KLF8: variants seen among roughly 807,000 people sequenced by gnomAD.
KLF8 encodes the protein Krueppel-like factor 8.
In KLF8, 10 loss-of-function variants were observed where a neutral mutation model predicts 18.2. The ratio of observed to expected loss-of-function variants is 0.55; its 90% confidence interval spans 0.34 to 0.93. The LOEUF (loss-of-function observed/expected upper bound fraction) is 0.93, where lower values mean the gene tolerates loss of function less well. Among genes scored for constraint, KLF8 ranks in the 40% least tolerant of loss-of-function variants. The probability of loss-of-function intolerance (pLI) is 0.02; values close to 1 mark genes in which losing one functional copy is unlikely to be tolerated. For missense variants in KLF8, 264 were observed against 277.9 expected (o/e 0.95, Z 0.36); for synonymous variants, 109 against 97.3 (o/e 1.12, Z -0.71).
chrX:56,187,801 T>C, the KLF8 span, among the ~76,000 whole-genome samples: 1 of 109,953 alleles, frequency 9.1e-6, no homozygotes, highest in African/African-American at 3.4e-5. Context: ...GATGCAGAAA[T>C]GGCCTTTGAC....
the KLF8 span, among the ~76,000 whole-genome samples, chrX:55,933,141 TC>T: frequency 3.6e-5 from 4 of 112,154 alleles, no homozygotes; most frequent in African/African-American, 1.3e-4. Flanking sequence ...TCTTATGTTT[TC>T]TTCAAAATAT....
At chrX:56,281,008 C>CAGACTAACTTTT (rs1312219561) in intron 5 of KLF8, among the ~76,000 whole-genome samples, 1 of 111,846 alleles carries the variant, frequency 8.9e-6, no homozygotes, top group Non-Finnish European at 1.9e-5. Context: ...TTGAGTTAAA[C>CAGACTAACTTTT]AGACTAACTT....
chrX:56,102,336 C>T, the KLF8 span, among the ~76,000 whole-genome samples: 3 of 111,328 alleles, frequency 2.7e-5, no homozygotes, highest in Admixed American at 9.6e-5. Flanking sequence ...CAGTACCATG[C>T]TATTTTGGTT....
chrX:56,034,209 G>T, the KLF8 span, among the ~76,000 whole-genome samples: 6 of 111,906 alleles, frequency 5.4e-5, no homozygotes, highest in Non-Finnish European at 9.4e-5. Context: ...TGAAATAAAG[G>T]TCCAATTTCA....
At chrX:56,137,036 A>C in the KLF8 span, among the ~76,000 whole-genome samples, 2 of 111,646 alleles carry the variant, frequency 1.8e-5, no homozygotes, top group Non-Finnish European at 3.8e-5. Context: ...AGAGAAATGC[A>C]AATCAAAACC....
chrX:56,238,320 ACAAAAT>A (rs1194202113), intron 1 of KLF8, among the ~76,000 whole-genome samples: 1 of 111,215 alleles, frequency 9.0e-6, no homozygotes, highest in Non-Finnish European at 1.9e-5. Context: ...TATTAAAAAT[ACAAAAT>A]TAGCCGGGTG....
At chrX:56,009,551 C>A in the KLF8 span, among the ~76,000 whole-genome samples, 1 of 112,062 alleles carries the variant, frequency 8.9e-6, no homozygotes, top group African/African-American at 3.2e-5. Flanking sequence ...AGTGACTTTT[C>A]TCCTCCAAAT....
chrX:56,169,210 A>G, the KLF8 span, among the ~76,000 whole-genome samples: 8 of 111,664 alleles, frequency 7.2e-5, no homozygotes, highest in African/African-American at 2.0e-4. Context: ...GTAGTAACCC[A>G]TAGACCTTGG....
At chrX:56,001,133 G>A in the KLF8 span, among the ~76,000 whole-genome samples, 11 of 112,106 alleles carry the variant, frequency 9.8e-5, no homozygotes, top group East Asian at 1.4e-3. Context: ...AATGGCCACC[G>A]CTATTGGGAT....
the KLF8 span, among the ~76,000 whole-genome samples, chrX:56,091,633 A>C: frequency 9.0e-6 from 1 of 110,868 alleles, no homozygotes; most frequent in Non-Finnish European, 1.9e-5. Context: ...AGTAGCTTGG[A>C]TTACAGGTGT....
rs550953396 is a variant in KLF8 at position 56,239,047 on chromosome X, C to G, written c.7+5706C>G. 3.6e-4 allele frequency among the ~76,000 whole-genome samples: 40 copies of G among 112,262 alleles called. 1 individual carries two copies. The South Asian group carries it at 0.015, about 41-fold the overall frequency. On this transcript the variant is annotated intron_variant, in intron 1 of 5. Coordinates refer to ENST00000468660, the MANE Select transcript of KLF8 (RefSeq NM_007250.5). ...TAGTTCTTCAAAGCCCACCTCAAAGCAAACCATTTATTTGAAATTTTCTCT... is the reference window on the plus strand; with the variant it reads ...TAGTTCTTCAAAGCCCACCTCAAAGGAAACCATTTATTTGAAATTTTCTCT...
Position 56,288,418 on chromosome X carries a change from A to T in KLF8, c.*3924A>T, listed in dbSNP as rs2067290856. ...GGATTTGTCAGTTGTCTTTCTCATGATTAGACTGAGGTTATGAGTTTTTGA... is the reference window on the plus strand; with the variant it reads ...GGATTTGTCAGTTGTCTTTCTCATGTTTAGACTGAGGTTATGAGTTTTTGA... On this transcript the variant is annotated 3_prime_UTR_variant, in exon 6 of 6. Transcript: ENST00000468660. Among the ~76,000 whole-genome samples, 1 of 111,292 alleles carries T rather than the reference A, an allele frequency of 9.0e-6. No individual in the cohort carries two copies. Among genetic ancestry groups the T allele is most frequent in the South Asian group, 3.9e-4 (1 of 2,594 alleles).
chrX:56,202,559 T>TTCCCCCCCCCCCCCCCCCCCC, the KLF8 span, among the ~76,000 whole-genome samples: 1 of 75,806 alleles, frequency 1.3e-5, no homozygotes, highest in Non-Finnish European at 2.6e-5. Context: ...CCATTAACCT[T>TTCCCCCCCCCCCCCCCCCCCC]CCCCCCCCCT....
At chrX:55,984,662 A>G in the KLF8 span, among the ~76,000 whole-genome samples, 1 of 111,266 alleles carries the variant, frequency 9.0e-6, no homozygotes, top group African/African-American at 3.3e-5. Flanking sequence ...GCAGGGTCAA[A>G]ATGGTATTTC....
At chrX:56,198,511 T>G in the KLF8 span, among the ~76,000 whole-genome samples, 1 of 111,509 alleles carries the variant, frequency 9.0e-6, no homozygotes, top group East Asian at 2.8e-4. Flanking sequence ...GAATAAAATA[T>G]GCAGGAATCC....
chrX:56,051,397 C>T, the KLF8 span, among the ~76,000 whole-genome samples: 165 of 110,354 alleles, frequency 1.5e-3, no homozygotes, highest in Non-Finnish European at 2.6e-3. Flanking sequence ...GATTTTGCAG[C>T]GGCTGGTGCC....
At chrX:56,136,208 T>G in the KLF8 span, among the ~76,000 whole-genome samples, 1 of 111,737 alleles carries the variant, frequency 8.9e-6, no homozygotes, top group Non-Finnish European at 1.9e-5. Flanking sequence ...GCCATCCCCA[T>G]CAAGCTACCA....
chrX:55,977,452 G>A, the KLF8 span, among the ~76,000 whole-genome samples: 1 of 109,352 alleles, frequency 9.1e-6, no homozygotes, highest in Non-Finnish European at 1.9e-5. Context: ...TTTAAATGTA[G>A]GTAGAGTTAA....
chrX:56,151,706 A>T, the KLF8 span, among the ~76,000 whole-genome samples: 2 of 111,330 alleles, frequency 1.8e-5, no homozygotes, highest in Non-Finnish European at 3.8e-5. Flanking sequence ...ACAGCCAAGT[A>T]GAGAGTTGGT....
Sources: gnomAD v4.1 joint callset for allele counts (sites outside exome capture counted in the v4.1 genomes callset) on GRCh38, gnomAD v4.1.1 for gene constraint, MANE v1.5 for transcripts, NCBI Gene and HGNC (gene_info 2026-07-23, HGNC 2026-07-21) for gene names.